The following SPTLC1 variants were observed in gnomAD, a reference collection of about 807,000 sequenced individuals.
SPTLC1 encodes the protein serine palmitoyltransferase long chain base subunit 1.
Under a neutral mutation model 68.9 loss-of-function variants are expected in SPTLC1, and 55 were observed. The observed-to-expected ratio is 0.80, with a 90% CI of 0.64 to 1.00. The LOEUF is 1.00. Among genes scored for constraint, SPTLC1 ranks in the 50% least tolerant of loss-of-function variants. The probability of loss-of-function intolerance (pLI) is 0.00; values close to 1 mark genes in which losing one functional copy is unlikely to be tolerated. For missense variants in SPTLC1, 449 were observed against 573.1 expected (o/e 0.78, Z 2.21); for synonymous variants, 197 against 201.6 (o/e 0.98, Z 0.19).
chr9:92,035,023 T>A (rs1250300275), intron 13 of SPTLC1, 140 bp from the exon 14 acceptor site: 6 of 770,622 alleles, frequency 7.8e-6, no homozygotes, highest in South Asian at 5.6e-5. Context: ...ACCAAAATAC[T>A]ACACCACCAC....
intron 14 of SPTLC1, among the ~76,000 whole-genome samples, chr9:92,033,406 G>C (rs2118329303): frequency 6.6e-6 from 1 of 152,332 alleles, no homozygotes; most frequent in East Asian, 1.9e-4. Flanking sequence ...GTCCCCCAGA[G>C]TTCATCTGTA....
At chr9:92,060,631 G>A (rs1473882404) in intron 6 of SPTLC1, among the ~76,000 whole-genome samples, 1 of 152,136 alleles carries the variant, frequency 6.6e-6, no homozygotes, top group African/African-American at 2.4e-5. Context: ...TGACAGCCGG[G>A]CGCAGTGGCC....
chr9:92,057,332 G>C (rs1235906563), intron 7 of SPTLC1, among the ~76,000 whole-genome samples: 1 of 151,950 alleles, frequency 6.6e-6, no homozygotes, highest in Admixed American at 6.5e-5. Flanking sequence ...ATCATTTCTC[G>C]TAAGTTTTTA....
chr9:92,081,066 C>T, intron 3 of SPTLC1, 103 bp from the exon 4 acceptor site: 1 of 811,700 alleles, frequency 1.2e-6, no homozygotes, highest in Non-Finnish European at 2.1e-6. Flanking sequence ...TCATCCTACC[C>T]TATTTGCATA....
intron 6 of SPTLC1, among the ~76,000 whole-genome samples, chr9:92,065,846 AG>A (rs1311539059): frequency 1.3e-5 from 2 of 152,194 alleles, no homozygotes; most frequent in Admixed American, 1.3e-4. Flanking sequence ...AGACTGCTGT[AG>A]GGCTATAGTG....
intron 6 of SPTLC1, among the ~76,000 whole-genome samples, chr9:92,061,298 C>T (rs578019862): frequency 1.1e-4 from 17 of 152,146 alleles, no homozygotes; most frequent in South Asian, 8.3e-4. Flanking sequence ...ATTTGAATGA[C>T]GGGAGATTTT....
At chr9:92,073,228 C>A (rs578173440) in intron 5 of SPTLC1, among the ~76,000 whole-genome samples, 38 of 152,320 alleles carry the variant, frequency 2.5e-4, no homozygotes, top group African/African-American at 9.1e-4. Context: ...TCAGACCCTA[C>A]TCAAATATAT....
At position 92,077,197 on chromosome 9, in the gene SPTLC1, G is replaced by A. The variant is rs149541388; in HGVS notation, c.427+2819C>T. On this transcript the variant is annotated intron_variant, in intron 5 of 14. Transcript: ENST00000262554. ...GTACAGTCCATTTGAACTCTTACAC[G>A]GCCGCACCTTTCTGCTGGGTCCCAA... Among the ~76,000 whole-genome samples, 70 of 152,048 alleles carry A rather than the reference G, an allele frequency of 4.6e-4. No homozygotes were observed. In the East Asian group the frequency reaches 7.1e-3, roughly 16 times the overall value.
At chr9:92,083,025 G>C (rs551847617) in intron 3 of SPTLC1, among the ~76,000 whole-genome samples, 22 of 152,180 alleles carry the variant, frequency 1.4e-4, no homozygotes, top group Admixed American at 1.3e-3. Flanking sequence ...TTTTTTGGCT[G>C]CATACATGTC....
Position 92,059,270 on chromosome 9 carries a change from T to C in SPTLC1, c.599A>G (p.Gln200Arg). 2 of 1,614,074 alleles carry C rather than the reference T, an allele frequency of 1.2e-6. No individual in the cohort carries two copies. The highest frequency in any genetic ancestry group is 1.7e-6 in the Non-Finnish European group (2 of 1,179,982). The change falls in exon 7 of 15, where the codon CAG becomes CGG. Residue 200 changes from glutamine to arginine, a missense_variant. Around this residue, in one of 3 missense-constraint regions of SPTLC1, gnomAD observed 391 missense variants for 472.1 expected, o/e 0.83. Transcript: ENST00000262554. ...TAACTTAATGTCACTACGGGATGCC[T>C]GTAATCCTTTCTGAATAGCAAAGCA... ...AACFAIQKGL[Q>R]ASRSDIKLFK...
At chr9:92,078,467 A>ATTC (rs1834761167) in intron 5 of SPTLC1, among the ~76,000 whole-genome samples, 1 of 152,108 alleles carries the variant, frequency 6.6e-6, no homozygotes, top group East Asian at 1.9e-4. Flanking sequence ...TATTATTATT[A>ATTC]TTACTATTTT....
At chr9:92,052,955 A>G (rs929088135) in intron 8 of SPTLC1, among the ~76,000 whole-genome samples, 30 of 151,766 alleles carry the variant, frequency 2.0e-4, no homozygotes, top group African/African-American at 7.3e-4. Flanking sequence ...AATGAAACAA[A>G]CCCCCACAAA....
chr9:92,085,891 G>A (rs1021255666), intron 3 of SPTLC1, among the ~76,000 whole-genome samples: 7 of 151,852 alleles, frequency 4.6e-5, no homozygotes, highest in African/African-American at 7.3e-5. Flanking sequence ...CTCTTTGTAG[G>A]TCACTCAGGA....
intron 3 of SPTLC1, among the ~76,000 whole-genome samples, chr9:92,086,461 T>C (rs1245472695): frequency 2.0e-5 from 3 of 152,164 alleles, no homozygotes; most frequent in South Asian, 4.1e-4. Flanking sequence ...CTCTCAGCAT[T>C]TGCTTGTCTG....
rs144306903 is a variant in SPTLC1, at chr9:92,100,772, A to G, written c.260+7968T>C. Among the ~76,000 whole-genome samples the G allele has an allele frequency of 9.3e-3, 1,414 of 151,798 alleles. 8 individuals carry two copies. Among genetic ancestry groups the G allele is most frequent in the Non-Finnish European group, 0.015 (1,043 of 67,930 alleles). On this transcript the variant is annotated intron_variant, in intron 3 of 14. Coordinates refer to ENST00000262554, the MANE Select transcript of SPTLC1 (RefSeq NM_006415.4). ...AGTCCTGAGCAGAAAAACAAACTGCACATGCTCCTACAGCCTAGGTCACCA... is the reference window on the plus strand; with the variant it reads ...AGTCCTGAGCAGAAAAACAAACTGCGCATGCTCCTACAGCCTAGGTCACCA...
chr9:92,099,005 AC>A (rs1470035474), intron 3 of SPTLC1, among the ~76,000 whole-genome samples: 1 of 152,260 alleles, frequency 6.6e-6, no homozygotes, highest in African/African-American at 2.4e-5. Context: ...AAGTAACCAA[AC>A]AAAAATGATT....
At chr9:92,071,707 G>A (rs1292519445) in intron 5 of SPTLC1, among the ~76,000 whole-genome samples, 1 of 152,132 alleles carries the variant, frequency 6.6e-6, no homozygotes, top group African/African-American at 2.4e-5. Flanking sequence ...AAGCCATCGT[G>A]ACCCCTGTGA....
At chr9:92,049,874 T>C (rs1446207964) in intron 9 of SPTLC1, 86 bp downstream of exon 9, 2 of 943,152 alleles carry the variant, frequency 2.1e-6, no homozygotes, top group African/African-American at 3.3e-5. Context: ...GAACACTGTC[T>C]TGTGCCTATA....
chr9:92,040,697 G>A (rs1262333529), intron 12 of SPTLC1, among the ~76,000 whole-genome samples: 2 of 151,704 alleles, frequency 1.3e-5, no homozygotes, highest in African/African-American at 4.8e-5. Context: ...AGTGGAGGTT[G>A]CAGTGAGCTG....
Sources: gnomAD v4.1 joint callset for allele counts (sites outside exome capture counted in the v4.1 genomes callset) on GRCh38, gnomAD v4.1.1 for gene constraint, gnomAD v4.1.1 regional missense constraint, MANE v1.5 for transcripts, NCBI Gene and HGNC (gene_info 2026-07-23, HGNC 2026-07-21) for gene names.